Variants in ADGRL4 observed in about 807,000 individuals in gnomAD.
ADGRL4 encodes adhesion G protein-coupled receptor L4, also known as EGF, latrophilin and seven transmembrane domain containing 1.
ADGRL4 carries 90 observed loss-of-function variants against 74.8 expected under a neutral mutation model. The ratio of observed to expected loss-of-function variants is 1.20; its 90% CI spans 1.02 to 1.43. The LOEUF is 1.43. ADGRL4 is among the 40% of genes most tolerant of loss of function. The pLI, the probability that ADGRL4 is intolerant of heterozygous loss-of-function variation, is 0.00. For missense variants in ADGRL4, 881 were observed against 814.3 expected (o/e 1.08, Z -1.00); for synonymous variants, 311 against 279.2 (o/e 1.11, Z -1.14).
At position 78,893,124 on chromosome 1, in the gene ADGRL4, T is replaced by C; in HGVS notation, c.1815A>G (p.Pro605=). The change falls in exon 13 of 15, where the codon CCA becomes CCG. Residue 605 remains proline (P), a synonymous_variant. Coordinates refer to ENST00000370742, the MANE Select transcript of ADGRL4 (RefSeq NM_022159.4). Reference sequence around the variant, plus strand: ...TTATGTTCTCAAAGCAACTAACTTCTGGTTTCAACCCTGCAGTGTGACGAA... The same window carrying C: ...TTATGTTCTCAAAGCAACTAACTTCCGGTTTCAACCCTGCAGTGTGACGAA... The part of the protein sequence containing the change: ...KVFRHTAGLK[P]EVSCFENIRS... 1.3e-6 allele frequency: 2 copies of C among 1,597,778 alleles called. No homozygotes were observed. The highest frequency in any genetic ancestry group is 1.7e-6 in the Non-Finnish European group (2 of 1,173,778).
rs746917298 is a variant in ADGRL4, at chr1:78,917,657, C to A, written c.1726G>T (p.Gly576Ter). 5.0e-6 allele frequency: 8 copies of A among 1,604,702 alleles called. No homozygotes were observed. The Middle Eastern group carries it at 5.7e-4, about 114-fold the overall frequency. ...TENNFIWSFI[G>*]PACLIILVNL... ...ACAAGAATGATTAGGCATGCTGGTCCTATAAAACTCCAAATAAAGTTGTTT... is the reference window on the plus strand; with the variant it reads ...ACAAGAATGATTAGGCATGCTGGTCATATAAAACTCCAAATAAAGTTGTTT... Residue 576 changes from glycine (G) to a stop codon, truncating the protein, a stop_gained, in exon 12 of 15, where the codon GGA becomes TGA. Coordinates refer to ENST00000370742, the MANE Select transcript of ADGRL4 (RefSeq NM_022159.4). LOFTEE classifies it high-confidence loss of function.
intron 2 of ADGRL4, among the ~76,000 whole-genome samples, chr1:78,978,568 C>A (rs1488553683): frequency 1.3e-5 from 2 of 151,776 alleles, no homozygotes; most frequent in Non-Finnish European, 2.9e-5. Flanking sequence ...TATTCTTCAA[C>A]AAAATGATAT....
chr1:78,935,528 T>C (rs1234500974), intron 7 of ADGRL4, among the ~76,000 whole-genome samples: 3 of 75,024 alleles, frequency 4.0e-5, no homozygotes, highest in African/African-American at 8.2e-5. Flanking sequence ...TTAAGCAAAA[T>C]TAAAAAAAAA....
chr1:78,942,444 TA>T (rs1383311518), intron 3 of ADGRL4, among the ~76,000 whole-genome samples: 1 of 152,130 alleles, frequency 6.6e-6, no homozygotes, highest in East Asian at 1.9e-4. Context: ...CCAAATCTAT[TA>T]AAAAAGAAAC....
At chr1:78,909,372 C>A (rs533170183) in intron 12 of ADGRL4, among the ~76,000 whole-genome samples, 1 of 151,748 alleles carries the variant, frequency 6.6e-6, no homozygotes, top group African/African-American at 2.4e-5. Context: ...CTAGTGGTTC[C>A]CAGTGAAGAG....
intron 2 of ADGRL4, among the ~76,000 whole-genome samples, chr1:78,958,801 C>T (rs1649884586): frequency 2.0e-5 from 3 of 152,160 alleles, no homozygotes. Context: ...GGGTAAAGTG[C>T]TATCAAATAG....
At chr1:78,943,203 T>C (rs1300679122) in intron 3 of ADGRL4, among the ~76,000 whole-genome samples, 1 of 152,102 alleles carries the variant, frequency 6.6e-6, no homozygotes, top group African/African-American at 2.4e-5. Flanking sequence ...TATCATCGAG[T>C]GCTCCAGGCA....
chr1:78,912,909 A>G (rs1648793686), intron 12 of ADGRL4, among the ~76,000 whole-genome samples: 1 of 151,964 alleles, frequency 6.6e-6, no homozygotes, highest in African/African-American at 2.4e-5. Context: ...CTAATTCCAG[A>G]ACTATAAGGA....
At chr1:78,965,991 CA>C (rs201414584) in intron 2 of ADGRL4, among the ~76,000 whole-genome samples, 11,522 of 107,788 alleles carry the variant, frequency 0.11, 692 homozygotes, top group East Asian at 0.44. Flanking sequence ...AGGACAGAAC[CA>C]AAAAAAAAAA....
intron 12 of ADGRL4, among the ~76,000 whole-genome samples, chr1:78,910,553 T>C (rs1185586264): frequency 6.6e-6 from 1 of 151,872 alleles, no homozygotes; most frequent in African/African-American, 2.4e-5. Flanking sequence ...GCTGAATGTG[T>C]CTAGGGGAAA....
chr1:78,961,108 G>A (rs544080515), intron 2 of ADGRL4, among the ~76,000 whole-genome samples: 18 of 148,650 alleles, frequency 1.2e-4, no homozygotes, highest in East Asian at 4.0e-4. Flanking sequence ...TTTTTTATAC[G>A]GAGTCTTGCT....
intron 2 of ADGRL4, among the ~76,000 whole-genome samples, chr1:78,977,879 T>C (rs1356085909): frequency 6.6e-6 from 1 of 151,918 alleles, no homozygotes; most frequent in Non-Finnish European, 1.5e-5. Flanking sequence ...ACATCATGTA[T>C]GTGTGGTAGA....
Position 78,921,603 on chromosome 1 carries a change from A to T in ADGRL4, c.1257+10T>A. ...AACATTTATAAATATGAAGGGGAAA[A>T]TTATCTTACAATGGAAGGACCAGAG... On this transcript the variant is annotated intron_variant, in intron 9 of 14. Coordinates refer to ENST00000370742, the MANE Select transcript of ADGRL4 (RefSeq NM_022159.4). 1 of 1,398,168 alleles carries T rather than the reference A, an allele frequency of 7.2e-7. No individual in the cohort carries two copies. The highest frequency in any genetic ancestry group is 9.4e-7 in the Non-Finnish European group (1 of 1,063,306). 86.6% of individuals were successfully genotyped at this position (1,398,168 alleles called of 1,614,324 possible). A position where few individuals can be genotyped will look rare whatever the true frequency, so the allele number is the denominator to read the frequency against.
chr1:78,964,673 T>C (rs1650019409), intron 2 of ADGRL4, among the ~76,000 whole-genome samples: 1 of 152,174 alleles, frequency 6.6e-6, no homozygotes, highest in South Asian at 2.1e-4. Context: ...CATAGGGTAA[T>C]TGCAAATTGG....
At position 78,964,937 on chromosome 1, in the gene ADGRL4, C is replaced by A. The variant is rs186565267; in HGVS notation, c.173-18511G>T. 2.9e-3 allele frequency among the ~76,000 whole-genome samples: 438 copies of A among 151,912 alleles called. 5 individuals are homozygous for A. The highest frequency in any genetic ancestry group is 4.2e-3 in the Non-Finnish European group (283 of 67,946). On this transcript the variant is annotated intron_variant, in intron 2 of 14. Coordinates refer to ENST00000370742, the MANE Select transcript of ADGRL4 (RefSeq NM_022159.4). ...TATTTTGTGTCTCTTGTTTTCTCAC[C>A]TATAAAGTGATTATATTAATTATCC...
At chr1:79,005,586 A>G (rs1422175180) in intron 1 of ADGRL4, among the ~76,000 whole-genome samples, 1 of 152,196 alleles carries the variant, frequency 6.6e-6, no homozygotes, top group Non-Finnish European at 1.5e-5. Flanking sequence ...GCCTGATTGT[A>G]AAGCAATTTC....
chr1:78,923,019 A>T (rs1649033650), intron 8 of ADGRL4, among the ~76,000 whole-genome samples: 2 of 152,000 alleles, frequency 1.3e-5, no homozygotes, highest in Non-Finnish European at 2.9e-5. Flanking sequence ...GCACTGAAAA[A>T]AACTGTGAGT....
intron 2 of ADGRL4, among the ~76,000 whole-genome samples, chr1:78,968,504 G>C (rs1303661046): frequency 2.7e-5 from 2 of 74,778 alleles, no homozygotes; most frequent in African/African-American, 4.9e-5. Flanking sequence ...GGAGGGCGGT[G>C]GGGGGGTGGG....
At chr1:78,919,320 C>T (rs1338937999) in intron 10 of ADGRL4, among the ~76,000 whole-genome samples, 1 of 151,956 alleles carries the variant, frequency 6.6e-6, no homozygotes, top group Non-Finnish European at 1.5e-5. Context: ...AAATCCACTG[C>T]TGTTCCCACT....
Sources: allele counts gnomAD v4.1 joint callset (sites outside exome capture counted in the v4.1 genomes callset), GRCh38; gene constraint gnomAD v4.1.1; transcripts MANE v1.5; gene names NCBI Gene and HGNC (gene_info 2026-07-23, HGNC 2026-07-21).